Variants in USO1 observed in about 807,000 individuals in gnomAD.
USO1 encodes general vesicular transport factor p115.
In USO1, 57 loss-of-function variants were observed where a neutral mutation model predicts 124.5. The ratio of observed to expected loss-of-function variants is 0.46; its 90% confidence interval spans 0.37 to 0.57. USO1 has a LOEUF of 0.57. Among genes scored for constraint, USO1 ranks in the 20% least tolerant of loss-of-function variants. The pLI, the probability that USO1 is intolerant of heterozygous loss-of-function variation, is 0.00. For synonymous variants in USO1, 369 were observed against 362.8 expected, an observed-to-expected ratio of 1.02 and a Z score of -0.19; for missense variants, 900 against 1,040.6, an observed-to-expected ratio of 0.86 and a Z score of 1.86.
chr4:75,802,954 C>T (rs770670206), intron 17 of USO1, among the ~76,000 whole-genome samples: 1 of 150,168 alleles, frequency 6.7e-6, no homozygotes, highest in Non-Finnish European at 1.5e-5. Flanking sequence ...GATGGTGGCA[C>T]ATGCCTATAA....
Position 75,799,482 on chromosome 4 carries a change from T to C in USO1, c.1453-140T>C, listed in dbSNP as rs1722780106. ...TACAATAATTTATTCTCTTGTTTAG[T>C]TTTTTAAAACTGGATTTCTGGCTCA... On this transcript the variant is annotated intron_variant, in intron 13 of 23. Transcript: ENST00000514213. The C allele has an allele frequency of 5.2e-6, 5 of 956,806 alleles. No homozygotes were observed. The South Asian group carries it at 7.0e-5, about 13-fold the overall frequency. 59.3% of individuals were successfully genotyped at this position (956,806 alleles called of 1,614,324 possible).
At chr4:75,801,058 T>TA (rs1722835759) in intron 16 of USO1, 21 bp from the exon 17 acceptor site, 4 of 1,505,212 alleles carry the variant, frequency 2.7e-6, no homozygotes, top group Non-Finnish European at 3.5e-6. Context: ...AAACAAATTT[T>TA]AAATAAGCTT....
In USO1 at chr4:75,774,666, T is replaced by C. The variant is rs1560449352; in HGVS notation, c.556-10T>C. 1 of 1,591,930 alleles carries C rather than the reference T, an allele frequency of 6.3e-7. No individual in the cohort carries two copies. The highest frequency in any genetic ancestry group is 8.5e-7 in the Non-Finnish European group (1 of 1,172,398). ...TGTACTCCACTAAACATTCTCTTTC[T>C]TCTCTATAGGGCGTCTTACTACTGC... On this transcript the variant is annotated splice_polypyrimidine_tract_variant and intron_variant, in intron 7 of 23. Coordinates refer to ENST00000514213, the MANE Select transcript of USO1 (RefSeq NM_003715.4).
intron 4 of USO1, among the ~76,000 whole-genome samples, chr4:75,766,763 G>A: frequency 6.6e-6 from 1 of 152,200 alleles, no homozygotes; most frequent in East Asian, 1.9e-4. Context: ...TAAGGAAACT[G>A]AGACTTGACA....
intron 1 of USO1, among the ~76,000 whole-genome samples, chr4:75,737,182 G>A (rs1389731924): frequency 6.6e-6 from 1 of 152,170 alleles, no homozygotes; most frequent in East Asian, 1.9e-4. Context: ...AAATGTGGAC[G>A]AGTTACTTAA....
intron 8 of USO1, among the ~76,000 whole-genome samples, chr4:75,779,622 A>G (rs1415652602): frequency 6.6e-6 from 1 of 152,222 alleles, no homozygotes; most frequent in Non-Finnish European, 1.5e-5. Flanking sequence ...AATTCTGTGA[A>G]GACTGAGAGA....
rs1009908988 is a variant in USO1 at position 75,814,103 on chromosome 4, A to G, written c.*808A>G. ...ACCCAAAGTATGATTAATATAATTT[A>G]TTGGCATTTTTGCTGAATAGGTTTA... is the stretch of plus-strand genomic sequence containing the variant. On this transcript the variant is annotated 3_prime_UTR_variant, in exon 24 of 24. Transcript: ENST00000514213. The G allele has an allele frequency of 6.6e-6, 1 of 152,212 alleles. No individual in the cohort carries two copies. Among genetic ancestry groups the G allele is most frequent in the Non-Finnish European group, 1.5e-5 (1 of 68,032 alleles). 9.4% of individuals were successfully genotyped at this position (152,212 alleles called of 1,614,324 possible).
intron 22 of USO1, among the ~76,000 whole-genome samples, chr4:75,811,853 G>T (rs1723159745): frequency 6.6e-6 from 1 of 151,904 alleles, no homozygotes; most frequent in African/African-American, 2.4e-5. Flanking sequence ...TTGTGTTTCT[G>T]TTTACTCCTT....
chr4:75,731,052 G>A (rs755091120), intron 1 of USO1, among the ~76,000 whole-genome samples: 5 of 152,194 alleles, frequency 3.3e-5, no homozygotes, highest in Admixed American at 6.5e-5. Flanking sequence ...TTATGGGAAA[G>A]AGCATGGAGA....
At chr4:75,730,836 A>C (rs1720611375) in intron 1 of USO1, among the ~76,000 whole-genome samples, 1 of 151,764 alleles carries the variant, frequency 6.6e-6, no homozygotes, top group Admixed American at 6.6e-5. Flanking sequence ...TTTTAAAGAG[A>C]CAGGCTCACA....
chr4:75,787,658 CAAATT>C (rs1197733168), intron 10 of USO1, among the ~76,000 whole-genome samples: 1 of 152,038 alleles, frequency 6.6e-6, no homozygotes, highest in African/African-American at 2.4e-5. Context: ...AAATTTTTCT[CAAATT>C]AACACGTGCA....
chr4:75,776,939 G>A (rs1176191240), intron 8 of USO1, among the ~76,000 whole-genome samples: 1 of 152,124 alleles, frequency 6.6e-6, no homozygotes, highest in Admixed American at 6.6e-5. Flanking sequence ...CTAATCTTTG[G>A]AATAGGGCCA....
intron 1 of USO1, among the ~76,000 whole-genome samples, chr4:75,735,220 T>C (rs1255915621): frequency 6.6e-6 from 1 of 152,184 alleles, no homozygotes; most frequent in Non-Finnish European, 1.5e-5. Context: ...GATTGCATTC[T>C]TGATTTGGCT....
intron 1 of USO1, among the ~76,000 whole-genome samples, chr4:75,743,083 C>T (rs541339931): frequency 5.4e-4 from 82 of 151,344 alleles, no homozygotes; most frequent in African/African-American, 1.8e-3. Context: ...CTCCCGGGTT[C>T]AAGCCATTCT....
chr4:75,791,056 A>T (rs1306002005), intron 12 of USO1, among the ~76,000 whole-genome samples: 1 of 152,210 alleles, frequency 6.6e-6, no homozygotes, highest in Non-Finnish European at 1.5e-5. Flanking sequence ...CTTGAGCCTC[A>T]CTGAGTTATG....
At position 75,813,329 on chromosome 4, in the gene USO1, C is replaced by A. The variant is rs773270655; in HGVS notation, c.*34C>A. ...TCTCTAGGAACAATAGAGATTATAT[C>A]ATAACTCTGAAGATGGACTCTAAAC... On this transcript the variant is annotated 3_prime_UTR_variant, in exon 24 of 24. Coordinates refer to ENST00000514213, the MANE Select transcript of USO1 (RefSeq NM_003715.4). The A allele has an allele frequency of 6.6e-7, 1 of 1,523,468 alleles. No homozygotes were observed. Among genetic ancestry groups the A allele is most frequent in the Non-Finnish European group, 8.8e-7 (1 of 1,140,590 alleles). The allele number at this position is 1,523,468 out of a possible 1,614,324, so 94.4% of individuals were successfully genotyped here.
intron 3 of USO1, among the ~76,000 whole-genome samples, chr4:75,755,695 T>C (rs140779197): frequency 2.6e-4 from 40 of 152,320 alleles, no homozygotes; most frequent in African/African-American, 9.6e-4. Context: ...GGACTGTCTG[T>C]GTTATTAACA....
chr4:75,799,480 A>T, intron 13 of USO1, 142 bp from the exon 14 acceptor site: 1 of 872,104 alleles, frequency 1.1e-6, no homozygotes, highest in Non-Finnish European at 1.7e-6. Context: ...TCTCTTGTTT[A>T]GTTTTTTAAA....
chr4:75,767,417 A>G lies in USO1; in HGVS notation c.296-3022A>G. ...TAAACAATTTGATGACTTTTGATAC[A>G]TGTATAAACATGCTTGGCTTTTTCT... On this transcript the variant is annotated intron_variant, in intron 4 of 23. Transcript: ENST00000514213. The G allele has an allele frequency of 6.9e-6, 3 of 435,848 alleles. No homozygotes were observed. The Admixed American group carries it at 7.8e-5, about 11-fold the overall frequency. The allele number at this position is 435,848 out of a possible 1,614,324, so 27.0% of individuals were successfully genotyped here.
Sources: gnomAD v4.1 joint callset for allele counts (sites outside exome capture counted in the v4.1 genomes callset) on GRCh38, gnomAD v4.1.1 for gene constraint, MANE v1.5 for transcripts, NCBI Gene and HGNC (gene_info 2026-07-23, HGNC 2026-07-21) for gene names.